The following PLCB1 variants were observed in gnomAD, a reference collection of about 807,000 sequenced individuals.
PLCB1 encodes 1-phosphatidylinositol 4,5-bisphosphate phosphodiesterase beta-1.
PLCB1 carries 46 observed loss-of-function variants against 161.8 expected under a neutral mutation model. The ratio of observed to expected loss-of-function variants is 0.28; its 90% confidence interval spans 0.22 to 0.36. The LOEUF (loss-of-function observed/expected upper bound fraction) is 0.36. PLCB1 is among the 10% of genes least tolerant of loss of function. The pLI is 1.00. For synonymous variants in PLCB1, 517 were observed against 503.7 expected (o/e 1.03, Z -0.35); for missense variants, 1,016 against 1,472.5 (o/e 0.69, Z 5.07).
intron 3 of PLCB1, among the ~76,000 whole-genome samples, chr20:8,613,588 T>G (rs1182679813): frequency 6.6e-6 from 1 of 152,220 alleles, no homozygotes; most frequent in African/African-American, 2.4e-5. Flanking sequence ...TTGTAAGTCC[T>G]CATGTATAGA....
chr20:8,502,064 T>G (rs1983447157), intron 3 of PLCB1, among the ~76,000 whole-genome samples: 1 of 151,724 alleles, frequency 6.6e-6, no homozygotes, highest in Admixed American at 6.6e-5. Context: ...TTTCATTTGT[T>G]AAATGTAATT....
chr20:8,182,403 A>G (rs993257384), intron 2 of PLCB1, among the ~76,000 whole-genome samples: 1 of 152,052 alleles, frequency 6.6e-6, no homozygotes, highest in Non-Finnish European at 1.5e-5. Context: ...TTGGTCTTCC[A>G]GTGGCCTTTT....
intron 31 of PLCB1, among the ~76,000 whole-genome samples, chr20:8,869,227 A>C (rs1190975187): frequency 6.6e-6 from 1 of 152,130 alleles, no homozygotes; most frequent in Non-Finnish European, 1.5e-5. Context: ...TTTAGGGTAC[A>C]TGTGCACAAC....
Position 8,232,372 on chromosome 20 carries a change from C to T in PLCB1, c.177+82001C>T, listed in dbSNP as rs148162608. On this transcript the variant is annotated intron_variant, in intron 2 of 31. Coordinates refer to ENST00000338037, the MANE Select transcript of PLCB1 (RefSeq NM_015192.4). ...AATTTTGAAGTTCCATCATTTATAA[C>T]CAATCAAATGCAAAATTATAAGACA... Among the ~76,000 whole-genome samples the T allele has an allele frequency of 9.2e-5, 14 of 152,234 alleles. No homozygotes were observed. The East Asian group carries it at 2.5e-3, about 27-fold the overall frequency.
intron 9 of PLCB1, among the ~76,000 whole-genome samples, chr20:8,662,771 T>C (rs1989715277): frequency 6.6e-6 from 1 of 151,636 alleles, no homozygotes; most frequent in Admixed American, 6.6e-5. Context: ...GTAGCAAAGC[T>C]CTAAGAAGTA....
intron 9 of PLCB1, 71 bp from the exon 10 acceptor site, chr20:8,684,855 GAAAAAA>G: frequency 1.0e-6 from 1 of 977,398 alleles, no homozygotes; most frequent in Non-Finnish European, 1.5e-6. Context: ...GATATTTCTG[GAAAAAA>G]AAAAAAAAAG....
At chr20:8,468,202 G>A (rs937452743) in intron 3 of PLCB1, among the ~76,000 whole-genome samples, 2 of 152,104 alleles carry the variant, frequency 1.3e-5, no homozygotes, top group African/African-American at 2.4e-5. Flanking sequence ...GCCTTATAGA[G>A]GCTCTATATG....
At chr20:8,315,823 G>A (rs1195698871) in intron 2 of PLCB1, among the ~76,000 whole-genome samples, 1 of 152,162 alleles carries the variant, frequency 6.6e-6, no homozygotes, top group Non-Finnish European at 1.5e-5. Context: ...GCTGAAGTCA[G>A]ATGCTGAGGG....
chr20:8,725,346 A>T (rs1039911088), intron 16 of PLCB1, among the ~76,000 whole-genome samples: 2 of 152,156 alleles, frequency 1.3e-5, no homozygotes, highest in Admixed American at 6.6e-5. Flanking sequence ...GGGTTCTTTT[A>T]TGAAAATGCC....
intron 2 of PLCB1, among the ~76,000 whole-genome samples, chr20:8,259,649 C>T (rs1401718702): frequency 1.3e-5 from 2 of 152,032 alleles, no homozygotes; most frequent in Non-Finnish European, 2.9e-5. Flanking sequence ...CCACTAAAAG[C>T]GATTATCTGT....
At chr20:8,134,050 C>A (rs2051318822) in intron 1 of PLCB1, among the ~76,000 whole-genome samples, 2 of 152,182 alleles carry the variant, frequency 1.3e-5, no homozygotes, top group African/African-American at 4.8e-5. Flanking sequence ...CTTGAAAGCT[C>A]GTGCCAATTA....
At chr20:8,217,811 G>A (rs748085808) in intron 2 of PLCB1, among the ~76,000 whole-genome samples, 4 of 152,136 alleles carry the variant, frequency 2.6e-5, no homozygotes, top group South Asian at 4.1e-4. Context: ...TAGTTATTGC[G>A]GAAGTGGGTT....
chr20:8,216,520 G>C (rs1433106150), intron 2 of PLCB1, among the ~76,000 whole-genome samples: 1 of 152,124 alleles, frequency 6.6e-6, no homozygotes, highest in Non-Finnish European at 1.5e-5. Flanking sequence ...GCAGAGTTCA[G>C]AGATGAATTT....
intron 3 of PLCB1, among the ~76,000 whole-genome samples, chr20:8,376,988 T>C (rs1255252593): frequency 2.0e-5 from 3 of 151,950 alleles, no homozygotes; most frequent in Non-Finnish European, 4.4e-5. Context: ...TTGGCTGACT[T>C]CCTTTGGGCA....
At chr20:8,796,634 T>C (rs8117204) in intron 31 of PLCB1, among the ~76,000 whole-genome samples, 44,686 of 152,020 alleles carry the variant, frequency 0.29, 7,054 homozygotes, top group African/African-American at 0.41. Context: ...GAAAATTCTT[T>C]TTCATTTTTG....
intron 3 of PLCB1, among the ~76,000 whole-genome samples, chr20:8,519,524 A>G (rs866460254): frequency 3.3e-5 from 5 of 152,114 alleles, no homozygotes; most frequent in Non-Finnish European, 7.4e-5. Flanking sequence ...TCTCTCCCCC[A>G]TAGTGATTGA....
At chr20:8,410,285 C>T (rs536211261) in intron 3 of PLCB1, among the ~76,000 whole-genome samples, 3 of 152,072 alleles carry the variant, frequency 2.0e-5, no homozygotes, top group African/African-American at 7.2e-5. Flanking sequence ...GACACAAACA[C>T]CTATGGGTGG....
At chr20:8,192,258 T>C (rs2051977822) in intron 2 of PLCB1, among the ~76,000 whole-genome samples, 1 of 152,050 alleles carries the variant, frequency 6.6e-6, no homozygotes, top group Admixed American at 6.6e-5. Flanking sequence ...TATACCTATC[T>C]CATGTTTGTT....
chr20:8,610,548 A>C (rs1987877906), intron 3 of PLCB1, among the ~76,000 whole-genome samples: 1 of 152,126 alleles, frequency 6.6e-6, no homozygotes, highest in African/African-American at 2.4e-5. Context: ...CATCTTAAGG[A>C]GTTGCAAACT....
Sources: allele counts gnomAD v4.1 joint callset (sites outside exome capture counted in the v4.1 genomes callset), GRCh38; gene constraint gnomAD v4.1.1; transcripts MANE v1.5; gene names NCBI Gene and HGNC (gene_info 2026-07-23, HGNC 2026-07-21).